Variants in MYBPC1 observed in about 807,000 individuals in gnomAD.
MYBPC1 encodes the protein myosin binding protein C1, also known as myosin-binding protein C, slow-type.
MYBPC1 carries 52 observed loss-of-function variants against 147.1 expected under a neutral mutation model. The ratio of observed to expected loss-of-function variants is 0.35; its 90% confidence interval spans 0.28 to 0.45. The LOEUF (loss-of-function observed/expected upper bound fraction) is 0.45, where lower values mean the gene tolerates loss of function less well. Among genes scored for constraint, MYBPC1 ranks in the 20% least tolerant of loss-of-function variants. The probability of loss-of-function intolerance (pLI) is 1.00; values close to 1 mark genes in which losing one functional copy is unlikely to be tolerated. For synonymous variants in MYBPC1, 477 were observed against 475.9 expected (o/e 1.00, Z -0.03); for missense variants, 1,228 against 1,440.3 (o/e 0.85, Z 2.39).
chr12:101,670,070 T>A, intron 23 of MYBPC1: 1 of 574,814 alleles, frequency 1.7e-6, no homozygotes, highest in Non-Finnish European at 3.1e-6. Context: ...AAGCCAAGGA[T>A]GTCAGGGATA....
intron 23 of MYBPC1, among the ~76,000 whole-genome samples, chr12:101,668,141 A>C (rs1302402860): frequency 1.3e-5 from 2 of 152,190 alleles, no homozygotes; most frequent in Non-Finnish European, 2.9e-5. Flanking sequence ...TCCTGGTTCC[A>C]GGAGCCAACT....
chr12:101,608,697 T>A (rs12318643), intron 1 of MYBPC1, among the ~76,000 whole-genome samples: 14,959 of 152,178 alleles, frequency 0.098, 2,173 homozygotes, highest in African/African-American at 0.32. Context: ...CTTTGCCGTT[T>A]TGGGGAGCCC....
intron 29 of MYBPC1, among the ~76,000 whole-genome samples, chr12:101,681,159 T>C (rs941752380): frequency 2.0e-5 from 3 of 152,086 alleles, no homozygotes; most frequent in Admixed American, 2.0e-4. Flanking sequence ...AGAAAACACA[T>C]AAGGATTTAT....
At chr12:101,648,284 T>C (rs1893655812) in intron 14 of MYBPC1, 134 bp downstream of exon 14, 1 of 640,528 alleles carries the variant, frequency 1.6e-6, no homozygotes, top group Non-Finnish European at 2.8e-6. Context: ...TTAGTAGAGA[T>C]GATAAATAAA....
intron 1 of MYBPC1, among the ~76,000 whole-genome samples, chr12:101,606,423 C>T (rs1262608501): frequency 3.3e-5 from 5 of 151,924 alleles, no homozygotes; most frequent in African/African-American, 1.2e-4. Flanking sequence ...TCCTGAAGAT[C>T]CCAGACTGTA....
At chr12:101,608,893 C>A (rs1390004243) in intron 1 of MYBPC1, among the ~76,000 whole-genome samples, 1 of 152,044 alleles carries the variant, frequency 6.6e-6, no homozygotes. Context: ...GGAGGGGAAC[C>A]AATGAAAGAC....
At chr12:101,605,910 T>C (rs1881955920) in intron 1 of MYBPC1, among the ~76,000 whole-genome samples, 1 of 151,634 alleles carries the variant, frequency 6.6e-6, no homozygotes, top group Non-Finnish European at 1.5e-5. Flanking sequence ...AATACAAGAA[T>C]ACAGCCAAGT....
At chr12:101,666,878 A>C in intron 22 of MYBPC1, 2 of 1,064,068 alleles carry the variant, frequency 1.9e-6, no homozygotes, top group Non-Finnish European at 2.8e-6. Flanking sequence ...AGCATGAAGA[A>C]TACTCATCAC....
chr12:101,619,330 T>C (rs1466131910), intron 3 of MYBPC1, among the ~76,000 whole-genome samples: 2 of 152,172 alleles, frequency 1.3e-5, no homozygotes, highest in Non-Finnish European at 2.9e-5. Flanking sequence ...CTGATTTCTC[T>C]TGGACCTGTT....
At chr12:101,678,819 T>C (rs1900681966) in intron 28 of MYBPC1, among the ~76,000 whole-genome samples, 1 of 152,158 alleles carries the variant, frequency 6.6e-6, no homozygotes. Flanking sequence ...TACCCTAGAA[T>C]TGGGAAAATT....
chr12:101,613,214 C>T (rs10507132), intron 1 of MYBPC1, among the ~76,000 whole-genome samples: 33,122 of 152,048 alleles, frequency 0.22, 5,087 homozygotes, highest in African/African-American at 0.44. Flanking sequence ...ATTTCTGTTA[C>T]GGTGCAATCC....
chr12:101,689,484 C>G (rs1014846046), downstream of MYBPC1, among the ~76,000 whole-genome samples: 6 of 152,068 alleles, frequency 3.9e-5, no homozygotes, highest in African/African-American at 9.7e-5. Context: ...CCCTGACAAG[C>G]GTGGACCTGG....
At chr12:101,643,301 G>A (rs1892440821) in intron 11 of MYBPC1, among the ~76,000 whole-genome samples, 1 of 152,074 alleles carries the variant, frequency 6.6e-6, no homozygotes, top group Admixed American at 6.6e-5. Flanking sequence ...GTTGAGAAAT[G>A]GCCCCAGAGA....
intron 24 of MYBPC1, among the ~76,000 whole-genome samples, chr12:101,672,883 T>C (rs1276105492): frequency 1.3e-5 from 2 of 152,070 alleles, no homozygotes; most frequent in Non-Finnish European, 2.9e-5. Context: ...CTACAAAAAC[T>C]TATGTATTGG....
intron 12 of MYBPC1, 141 bp from the exon 13 acceptor site, chr12:101,646,622 G>A (rs981312108): frequency 1.6e-5 from 15 of 959,446 alleles, no homozygotes; most frequent in Admixed American, 4.1e-5. Flanking sequence ...CTGTGCAACA[G>A]AGCAAGACCC....
chr12:101,609,171 G>C (rs1791214845), intron 1 of MYBPC1, among the ~76,000 whole-genome samples: 1 of 152,166 alleles, frequency 6.6e-6, no homozygotes, highest in South Asian at 2.1e-4. Flanking sequence ...TTTGAAAAGG[G>C]AGTGGAACGG....
rs758365350 is a variant in MYBPC1 at position 101,626,914 on chromosome 12, G to A, written c.142+4G>A. Reference sequence around the variant, plus strand: ...CCGCCTAGCGCCTTGCCTCCAGGTTGGGATAATTTCTACCCTTTTCCCTGC... The same window carrying A: ...CCGCCTAGCGCCTTGCCTCCAGGTTAGGATAATTTCTACCCTTTTCCCTGC... On this transcript the variant is annotated splice_donor_region_variant and intron_variant, in intron 4 of 31. Coordinates refer to ENST00000361466, the MANE Select transcript of MYBPC1 (RefSeq NM_002465.4). 5 of 1,608,974 alleles carry A rather than the reference G, an allele frequency of 3.1e-6. No homozygotes were observed. The South Asian group carries it at 5.5e-5, about 18-fold the overall frequency.
In MYBPC1 at chr12:101,632,042, A is replaced by C; in HGVS notation, c.460A>C (p.Ile154Leu). Residue 154 changes from isoleucine to leucine, a missense_variant, in exon 8 of 32, where the codon ATC becomes CTC. Around this residue, in one of 2 missense-constraint regions of MYBPC1, gnomAD observed 1,077 missense variants for 1,314.2 expected, o/e 0.82. Transcript: ENST00000361466. ...HSRVYTFEMQ[I>L]IKAKDNFAGN... is the part of the protein sequence containing the mutation. Reference sequence around the variant, plus strand: ...GCAGGTGTACACATTTGAGATGCAGATCATCAAGGCCAAAGATAACTTTGC... The same window carrying C: ...GCAGGTGTACACATTTGAGATGCAGCTCATCAAGGCCAAAGATAACTTTGC... 5 of 1,613,524 alleles carry C rather than the reference A, an allele frequency of 3.1e-6. No homozygotes were observed. The highest frequency in any genetic ancestry group is 1.1e-5 in the South Asian group (1 of 91,074).
intron 13 of MYBPC1, among the ~76,000 whole-genome samples, chr12:101,647,814 G>T (rs146239358): frequency 4.6e-5 from 7 of 152,302 alleles, no homozygotes; most frequent in East Asian, 3.9e-4. Flanking sequence ...TTGAACCTAG[G>T]GGGTGGAGGT....
Sources: allele counts gnomAD v4.1 joint callset (sites outside exome capture counted in the v4.1 genomes callset), GRCh38; gene constraint gnomAD v4.1.1; regional missense constraint gnomAD v4.1.1; transcripts MANE v1.5; gene names NCBI Gene and HGNC (gene_info 2026-07-23, HGNC 2026-07-21).